The following DAB1 variants were observed in gnomAD, a reference collection of about 807,000 sequenced individuals.
DAB1 encodes disabled homolog 1.
A neutral mutation model predicts 64.6 loss-of-function variants in DAB1; 15 were observed. The observed-to-expected ratio is 0.23, with a 90% CI of 0.16 to 0.36. DAB1 has a LOEUF of 0.36. Ranked by LOEUF, DAB1 falls within the 10% of genes least tolerant of loss-of-function variation. DAB1 has a pLI of 1.00. For synonymous variants in DAB1, 235 were observed against 251.9 expected, an observed-to-expected ratio of 0.93 and a Z score of 0.64; for missense variants, 596 against 706.7, an observed-to-expected ratio of 0.84 and a Z score of 1.78.
chr1:57,678,760 T>TG (rs1296878360), intron 6 of DAB1, among the ~76,000 whole-genome samples: 1 of 78,368 alleles, frequency 1.3e-5, no homozygotes, highest in African/African-American at 5.3e-5. Flanking sequence ...GTGAGGCAAC[T>TG]GTTTTTTGTT....
At chr1:57,611,918 C>T (rs1645731326) in intron 7 of DAB1, among the ~76,000 whole-genome samples, 1 of 152,188 alleles carries the variant, frequency 6.6e-6, no homozygotes, top group Non-Finnish European at 1.5e-5. Context: ...TGACTTCCTT[C>T]ATAAGACCCA....
At chr1:58,504,684 G>T (rs146431102) in intron 3 of DAB1, among the ~76,000 whole-genome samples, 2 of 152,058 alleles carry the variant, frequency 1.3e-5, no homozygotes, top group Admixed American at 6.6e-5. Flanking sequence ...AATAAATATC[G>T]ATCTACCTAA....
intron 7 of DAB1, among the ~76,000 whole-genome samples, chr1:57,584,206 T>C (rs1300019993): frequency 6.6e-6 from 1 of 152,214 alleles, no homozygotes; most frequent in African/African-American, 2.4e-5. Context: ...GTACCTCACT[T>C]ACGATTTCTA....
intron 6 of DAB1, among the ~76,000 whole-genome samples, chr1:57,778,359 C>T (rs1649912629): frequency 6.6e-6 from 1 of 151,650 alleles, no homozygotes; most frequent in Admixed American, 6.6e-5. Flanking sequence ...TTCAGTTTGC[C>T]ATCCCTGCTT....
chr1:57,689,986 A>C (rs1211498483), intron 6 of DAB1, among the ~76,000 whole-genome samples: 1 of 152,118 alleles, frequency 6.6e-6, no homozygotes, highest in Non-Finnish European at 1.5e-5. Context: ...TAGATCCCAC[A>C]AGTAAGTGAT....
chr1:58,203,469 C>A (rs1658106335), intron 4 of DAB1, among the ~76,000 whole-genome samples: 1 of 152,220 alleles, frequency 6.6e-6, no homozygotes, highest in Non-Finnish European at 1.5e-5. Context: ...TCTCCATACA[C>A]ATAAACACAC....
intron 6 of DAB1, among the ~76,000 whole-genome samples, chr1:57,742,651 A>G (rs1648058865): frequency 1.3e-5 from 2 of 152,298 alleles, no homozygotes; most frequent in South Asian, 4.1e-4. Context: ...ACAGACAAGG[A>G]CAATGATTAT....
chr1:57,336,423 T>C (rs17456794), intron 1 of DAB1, among the ~76,000 whole-genome samples: 16,378 of 152,202 alleles, frequency 0.11, 956 homozygotes, highest in Middle Eastern at 0.13. Flanking sequence ...AAGAAATGCA[T>C]TAGAAATAGG....
intron 3 of DAB1, among the ~76,000 whole-genome samples, chr1:58,376,566 G>T (rs1222413367): frequency 2.7e-4 from 40 of 147,026 alleles, no homozygotes; most frequent in East Asian, 2.3e-3. Context: ...ATTTCTGTTC[G>T]TTTACATTTG....
intron 5 of DAB1, among the ~76,000 whole-genome samples, chr1:58,147,337 C>T (rs527498756): frequency 1.6e-5 from 2 of 127,026 alleles, no homozygotes; most frequent in Admixed American, 8.4e-5. Flanking sequence ...AGTACAGCCA[C>T]GCCAGGCGTG....
chr1:57,292,795 C>T (rs1672884628), intron 1 of DAB1, among the ~76,000 whole-genome samples: 3 of 152,082 alleles, frequency 2.0e-5, no homozygotes, highest in African/African-American at 7.2e-5. Flanking sequence ...GAAGCTCAGT[C>T]TAACAGAGGT....
intron 4 of DAB1, among the ~76,000 whole-genome samples, chr1:58,334,646 C>T (rs1039076309): frequency 6.5e-4 from 89 of 137,788 alleles, no homozygotes; most frequent in Middle Eastern, 3.8e-3. Context: ...CATATCATAT[C>T]ATATCATATT....
chr1:58,232,134 G>A (rs1005293757), intron 4 of DAB1, among the ~76,000 whole-genome samples: 2 of 152,114 alleles, frequency 1.3e-5, no homozygotes, highest in African/African-American at 2.4e-5. Flanking sequence ...TTCAGTTGTC[G>A]CAATTCCAAC....
rs570357310 is a variant in DAB1, at chr1:57,456,744, C to T, written n.626-165578G>A. Reference sequence around the variant, plus strand: ...AATATAATGTTCCAACAGTGTGATGCCTTTCTAAGAAAGGCATGATTCTAA... The same window carrying T: ...AATATAATGTTCCAACAGTGTGATGTCTTTCTAAGAAAGGCATGATTCTAA... On this transcript the variant is annotated intron_variant and non_coding_transcript_variant, in intron 7 of 20. Transcript: ENST00000485760. Among the ~76,000 whole-genome samples the T allele has an allele frequency of 1.4e-3, 206 of 152,194 alleles. 3 individuals carry two copies. In the South Asian group the frequency reaches 0.042, roughly 31 times the overall value.
chr1:57,249,716 A>T (rs542816196), intron 2 of DAB1, among the ~76,000 whole-genome samples: 1 of 152,244 alleles, frequency 6.6e-6, no homozygotes, highest in African/African-American at 2.4e-5. Context: ...ACACGCCATG[A>T]CTTGTTCTGC....
chr1:58,180,570 C>T (rs1257761450), intron 4 of DAB1, among the ~76,000 whole-genome samples: 1 of 152,002 alleles, frequency 6.6e-6, no homozygotes, highest in African/African-American at 2.4e-5. Context: ...GCTGGGATTA[C>T]AGGGATGAGC....
chr1:57,595,577 G>T (rs1558525661), intron 7 of DAB1, among the ~76,000 whole-genome samples: 1 of 152,038 alleles, frequency 6.6e-6, no homozygotes, highest in Non-Finnish European at 1.5e-5. Flanking sequence ...TCAATTGCAG[G>T]TTCCTCTGGC....
chr1:57,076,023 T>C (rs1651955450), intron 4 of DAB1, among the ~76,000 whole-genome samples: 1 of 152,172 alleles, frequency 6.6e-6, no homozygotes. Context: ...GGGTAAAGGC[T>C]GGCCACTGGG....
intron 6 of DAB1, among the ~76,000 whole-genome samples, chr1:57,770,027 G>A (rs528040631): frequency 6.6e-6 from 1 of 152,064 alleles, no homozygotes; most frequent in Admixed American, 6.6e-5. Context: ...GGGCAGCATT[G>A]GATTATGTAT....
Sources: allele counts gnomAD v4.1 joint callset (sites outside exome capture counted in the v4.1 genomes callset), GRCh38; gene constraint gnomAD v4.1.1; transcripts MANE v1.5; gene names NCBI Gene and HGNC (gene_info 2026-07-23, HGNC 2026-07-21).